QRSL1: variants seen among roughly 807,000 people sequenced by gnomAD.
QRSL1 encodes the protein glutaminyl-tRNA amidotransferase subunit QRSL1.
In QRSL1, 54 loss-of-function variants were observed where a neutral mutation model predicts 61.6. That is an observed-to-expected ratio of 0.88 (90% CI 0.70 to 1.10). The LOEUF (loss-of-function observed/expected upper bound fraction) is 1.10. Among genes scored for constraint, QRSL1 ranks in the 50% least tolerant of loss-of-function variants. The probability of loss-of-function intolerance (pLI) is 0.00; values close to 1 mark genes in which losing one functional copy is unlikely to be tolerated. For missense variants in QRSL1, 505 were observed against 622.6 expected, an observed-to-expected ratio of 0.81 and a Z score of 2.01; for synonymous variants, 228 against 225.7, an observed-to-expected ratio of 1.01 and a Z score of -0.09.
At chr6:106,657,281 A>G (rs1347844637) in intron 9 of QRSL1, among the ~76,000 whole-genome samples, 1 of 152,090 alleles carries the variant, frequency 6.6e-6, no homozygotes, top group African/African-American at 2.4e-5. Flanking sequence ...AAAAAAAAAA[A>G]GAATACTATT....
chr6:106,658,299 T>C (rs1267712018), intron 9 of QRSL1, among the ~76,000 whole-genome samples: 2 of 152,178 alleles, frequency 1.3e-5, no homozygotes, highest in Non-Finnish European at 2.9e-5. Flanking sequence ...TTAATATTTC[T>C]TGTAGTCCTG....
At chr6:106,645,478 A>G (rs779817525) in intron 4 of QRSL1, among the ~76,000 whole-genome samples, 2 of 151,626 alleles carry the variant, frequency 1.3e-5, no homozygotes, top group Non-Finnish European at 1.5e-5. Flanking sequence ...ACTGGAGTGC[A>G]ATGGTGCAAT....
intron 1 of QRSL1, 68 bp from the exon 2 acceptor site, chr6:106,640,281 C>T (rs1776997238): frequency 7.1e-7 from 1 of 1,414,622 alleles, no homozygotes; most frequent in Non-Finnish European, 9.9e-7. Context: ...CTCCCCCCAC[C>T]CCCACCAATA....
At chr6:106,629,909 G>A (rs1776781249) in intron 1 of QRSL1, among the ~76,000 whole-genome samples, 2 of 152,120 alleles carry the variant, frequency 1.3e-5, no homozygotes, top group African/African-American at 4.8e-5. Context: ...GGAAATCTCT[G>A]CACCGCGGAT....
At chr6:106,665,430 C>T (rs954329631) in intron 10 of QRSL1, among the ~76,000 whole-genome samples, 3 of 152,174 alleles carry the variant, frequency 2.0e-5, no homozygotes, top group Admixed American at 1.3e-4. Context: ...CAAAAAAATA[C>T]ATACACAAAG....
chr6:106,635,580 A>G (rs898699868), intron 1 of QRSL1, among the ~76,000 whole-genome samples: 1 of 152,178 alleles, frequency 6.6e-6, no homozygotes, highest in East Asian at 1.9e-4. Context: ...TTTTTTAAAG[A>G]CCATTCTTTT....
chr6:106,663,522 C>A (rs1220173722), intron 10 of QRSL1, among the ~76,000 whole-genome samples: 1 of 152,146 alleles, frequency 6.6e-6, no homozygotes, highest in Non-Finnish European at 1.5e-5. Context: ...TTACATGGCC[C>A]AGCCCAAGCA....
At position 106,660,338 on chromosome 6, in the gene QRSL1, C is replaced by T. The variant is rs915424955; in HGVS notation, c.1161-2642C>T. Among the ~76,000 whole-genome samples, 225 of 150,402 alleles carry T rather than the reference C, an allele frequency of 1.5e-3. 1 individual carries two copies. The highest frequency in any genetic ancestry group is 3.4e-3 in the Middle Eastern group (1 of 294). ...AACCCTCAACACTCCCCACCCCCCC[C>T]GTGAAGCTAGGACTACTGTAGTTTT... On this transcript the variant is annotated intron_variant, in intron 9 of 10. Transcript: ENST00000369046.
intron 3 of QRSL1, chr6:106,642,664 G>GTTGGTT (rs1277595201): frequency 1.8e-5 from 14 of 770,826 alleles, no homozygotes; most frequent in Non-Finnish European, 2.8e-5. Context: ...CCAGCATGCT[G>GTTGGTT]TTGGCATTGT....
At chr6:106,639,123 T>TTTTG (rs1562165073) in intron 1 of QRSL1, among the ~76,000 whole-genome samples, 1 of 58,224 alleles carries the variant, frequency 1.7e-5, no homozygotes, top group African/African-American at 5.8e-5. Flanking sequence ...TTTGTTGTTT[T>TTTTG]TTTTTTTTTT....
intron 7 of QRSL1, among the ~76,000 whole-genome samples, chr6:106,654,351 A>G (rs1777233401): frequency 6.7e-6 from 1 of 148,378 alleles, no homozygotes; most frequent in African/African-American, 2.5e-5. Context: ...CTCCGTCTCA[A>G]AAAAAAAAAA....
chr6:106,646,767 A>C (rs1397777541), intron 4 of QRSL1, among the ~76,000 whole-genome samples: 1 of 152,076 alleles, frequency 6.6e-6, no homozygotes, highest in Non-Finnish European at 1.5e-5. Context: ...GGTGGCTCAC[A>C]CCTGTAATCC....
In QRSL1 at chr6:106,668,340, A is replaced by ATCTAGTAG. The variant is rs1777473202; in HGVS notation, c.*2338_*2339insTCTAGTAG. ...TAATCTAGTAGGTCTCATTTTGCCAAGTCACTGTCTGGGAATTTAAGTGGC... is the reference window on the plus strand; with the variant it reads ...TAATCTAGTAGGTCTCATTTTGCCAATCTAGTAGGTCACTGTCTGGGAATTTAAGTGGC... On this transcript the variant is annotated 3_prime_UTR_variant, in exon 11 of 11. Coordinates refer to ENST00000369046, the MANE Select transcript of QRSL1 (RefSeq NM_018292.5). 6.6e-6 allele frequency: 1 copy of ATCTAGTAG among 152,012 alleles called. No homozygotes were observed. The highest frequency in any genetic ancestry group is 1.9e-4 in the East Asian group (1 of 5,198). The allele number at this position is 152,012 out of a possible 1,614,324, so 9.4% of individuals were successfully genotyped here.
rs1215653884 is a variant in QRSL1, at chr6:106,629,616, T to G, written c.-66T>G. On this transcript the variant is annotated 5_prime_UTR_variant, in exon 1 of 11. Transcript: ENST00000369046. ...GATGGCTGCGCCCATGTAACATCAC[T>G]AGCGACCGGTGACCTCTTTTTCCCC... is the stretch of plus-strand genomic sequence containing the variant. The G allele has an allele frequency of 1.9e-6, 3 of 1,556,034 alleles. No homozygotes were observed. In the African/African-American group the frequency reaches 4.1e-5, roughly 21 times the overall value.
intron 1 of QRSL1, among the ~76,000 whole-genome samples, chr6:106,632,960 A>T (rs1776861367): frequency 6.6e-6 from 1 of 152,230 alleles, no homozygotes; most frequent in South Asian, 2.1e-4. Context: ...GGATTTTAAC[A>T]CAAGTCACTC....
At chr6:106,646,219 A>G (rs1777103371) in intron 4 of QRSL1, among the ~76,000 whole-genome samples, 1 of 152,178 alleles carries the variant, frequency 6.6e-6, no homozygotes, top group Non-Finnish European at 1.5e-5. Context: ...ATTTGAACAA[A>G]GGCTTTCAGG....
At chr6:106,639,117 TTG>T (rs1368756604) in intron 1 of QRSL1, among the ~76,000 whole-genome samples, 11 of 65,748 alleles carry the variant, frequency 1.7e-4, no homozygotes, top group African/African-American at 6.4e-4. Context: ...GTGTGTTTTG[TTG>T]TTTTTTTTTT....
chr6:106,652,567 T>C lies in QRSL1; in HGVS notation c.834T>C (p.Cys278=). ...LPSLADVSKL[C]IGIPKEYLVP... ...GTTTGGCAGATGTGAGCAAACTATG[T>C]ATAGGAATTCCAAAGGTAACTTTTT... The change falls in exon 7 of 11, where the codon TGT becomes TGC. Residue 278 remains cysteine, a synonymous_variant. Coordinates refer to ENST00000369046, the MANE Select transcript of QRSL1 (RefSeq NM_018292.5). 2.5e-6 allele frequency: 4 copies of C among 1,614,218 alleles called. No homozygotes were observed. The highest frequency in any genetic ancestry group is 3.4e-6 in the Non-Finnish European group (4 of 1,180,042).
chr6:106,653,409 C>G (rs1312695397), intron 7 of QRSL1: 1 of 152,138 alleles, frequency 6.6e-6, no homozygotes, highest in African/African-American at 2.4e-5. Context: ...ACCACAATCC[C>G]ACAACCAAAA....
Sources: gnomAD v4.1 joint callset for allele counts (sites outside exome capture counted in the v4.1 genomes callset) on GRCh38, gnomAD v4.1.1 for gene constraint, MANE v1.5 for transcripts, NCBI Gene and HGNC (gene_info 2026-07-23, HGNC 2026-07-21) for gene names.